NRXN3: variants seen among roughly 807,000 people sequenced by gnomAD.
The protein encoded by NRXN3 is neurexin 3.
A neutral mutation model predicts 137.6 loss-of-function variants in NRXN3; 32 were observed. The ratio of observed to expected loss-of-function variants is 0.23; its 90% confidence interval spans 0.18 to 0.31. The LOEUF is 0.31. Ranked by LOEUF, NRXN3 falls within the 10% of genes least tolerant of loss-of-function variation. The pLI, the probability that NRXN3 is intolerant of heterozygous loss-of-function variation, is 1.00. For synonymous variants in NRXN3, 798 were observed against 784.5 expected, an observed-to-expected ratio of 1.02 and a Z score of -0.29; for missense variants, 1,574 against 2,062.5, an observed-to-expected ratio of 0.76 and a Z score of 4.59.
intron 20 of NRXN3, among the ~76,000 whole-genome samples, chr14:79,851,963 T>G (rs576194558): frequency 1.1e-3 from 158 of 146,928 alleles, no homozygotes; most frequent in African/African-American, 3.7e-3. Flanking sequence ...TGGAGAGGGG[T>G]TTTGCCATTC....
intron 4 of NRXN3, among the ~76,000 whole-genome samples, chr14:78,540,505 T>G (rs1455929492): frequency 1.3e-5 from 2 of 151,126 alleles, no homozygotes; most frequent in Non-Finnish European, 3.0e-5. Flanking sequence ...TGAGCCTATA[T>G]GCATCTTTGC....
intron 4 of NRXN3, among the ~76,000 whole-genome samples, chr14:78,634,348 A>G (rs1049962468): frequency 1.3e-5 from 2 of 152,206 alleles, no homozygotes; most frequent in Non-Finnish European, 2.9e-5. Flanking sequence ...CTTCATTTCA[A>G]TTCAATTCCA....
At chr14:78,563,376 A>T (rs2096805379) in intron 4 of NRXN3, among the ~76,000 whole-genome samples, 1 of 152,170 alleles carries the variant, frequency 6.6e-6, no homozygotes, top group African/African-American at 2.4e-5. Context: ...ATGATAACGG[A>T]AATAGGTTTG....
intron 14 of NRXN3, among the ~76,000 whole-genome samples, chr14:78,978,012 C>A (rs1438761501): frequency 2.6e-5 from 4 of 152,120 alleles, no homozygotes; most frequent in African/African-American, 9.7e-5. Flanking sequence ...AATTCCCATC[C>A]ATGGCCATAA....
chr14:78,616,888 G>A (rs2097352227), intron 4 of NRXN3, among the ~76,000 whole-genome samples: 2 of 152,152 alleles, frequency 1.3e-5, no homozygotes, highest in South Asian at 4.1e-4. Flanking sequence ...AAGAATGAAT[G>A]CCATCGTTAC....
At chr14:79,615,805 G>T (rs78727507) in intron 16 of NRXN3, among the ~76,000 whole-genome samples, 4 of 152,102 alleles carry the variant, frequency 2.6e-5, no homozygotes, top group Non-Finnish European at 4.4e-5. Context: ...CCTACAATAC[G>T]TGGGGATTAT....
intron 10 of NRXN3, among the ~76,000 whole-genome samples, chr14:78,885,653 T>C (rs1290957090): frequency 1.3e-5 from 2 of 152,062 alleles, no homozygotes; most frequent in Non-Finnish European, 2.9e-5. Context: ...TATGCTGACT[T>C]TGTAAAATTG....
intron 4 of NRXN3, chr14:78,300,614 T>TC (rs2076782299): frequency 8.0e-7 from 1 of 1,252,906 alleles, no homozygotes; most frequent in African/African-American, 1.5e-5. Flanking sequence ...TCTCTCTGTC[T>TC]CTCTCTGGCC....
chr14:78,350,430 A>C (rs214029), intron 4 of NRXN3, among the ~76,000 whole-genome samples: 144,559 of 152,018 alleles, frequency 0.95, 68,768 homozygotes, highest in Admixed American at 0.98. Context: ...AGGGCACCCC[A>C]ACAAAAGCAT....
Position 79,604,826 on chromosome 14 carries a change from G to A in NRXN3, c.3445-58952G>A, listed in dbSNP as rs375797329. 4.8e-3 allele frequency among the ~76,000 whole-genome samples: 731 copies of A among 152,094 alleles called. 3 individuals are homozygous for A. Among genetic ancestry groups the A allele is most frequent in the Middle Eastern group, 0.01 (3 of 294 alleles). On this transcript the variant is annotated intron_variant, in intron 16 of 20. Coordinates refer to ENST00000335750, the MANE Select transcript of NRXN3 (RefSeq NM_001330195.2). ...GCGGGCGGATCACTTGAGGTCAGGAGTTTGAGACCAGCCTGGCCAACATGG... is the reference window on the plus strand; with the variant it reads ...GCGGGCGGATCACTTGAGGTCAGGAATTTGAGACCAGCCTGGCCAACATGG...
At chr14:79,106,346 A>G (rs2052433687) in intron 15 of NRXN3, among the ~76,000 whole-genome samples, 3 of 152,162 alleles carry the variant, frequency 2.0e-5, no homozygotes, top group South Asian at 4.1e-4. Context: ...TATCTTGATA[A>G]TATTTCTTTC....
intron 19 of NRXN3, among the ~76,000 whole-genome samples, chr14:79,764,477 C>T (rs553578478): frequency 1.3e-5 from 2 of 152,218 alleles, no homozygotes; most frequent in African/African-American, 4.8e-5. Context: ...ATGAGGGAGC[C>T]GTTACATTGT....
chr14:78,613,932 C>T (rs2097323854), intron 4 of NRXN3, among the ~76,000 whole-genome samples: 2 of 152,158 alleles, frequency 1.3e-5, no homozygotes, highest in African/African-American at 4.8e-5. Context: ...CAGGCACCAA[C>T]CTCTCTTACA....
chr14:78,865,175 T>G (rs1037120284), intron 10 of NRXN3, among the ~76,000 whole-genome samples: 3 of 152,154 alleles, frequency 2.0e-5, no homozygotes, highest in Non-Finnish European at 4.4e-5. Context: ...ACAAGGAAGG[T>G]AGTGCTTATC....
chr14:78,907,506 A>G (rs994158382), intron 10 of NRXN3, among the ~76,000 whole-genome samples: 1 of 152,036 alleles, frequency 6.6e-6, no homozygotes, highest in African/African-American at 2.4e-5. Context: ...TCCAACTTGT[A>G]TGCATGTTTC....
At chr14:79,256,206 C>CA (rs1197567638) in intron 15 of NRXN3, among the ~76,000 whole-genome samples, 2 of 151,712 alleles carry the variant, frequency 1.3e-5, no homozygotes, top group Non-Finnish European at 2.9e-5. Flanking sequence ...CACACACACA[C>CA]CCCCCAGAAG....
intron 10 of NRXN3, among the ~76,000 whole-genome samples, chr14:78,913,550 TTA>T (rs1249791271): frequency 6.6e-6 from 1 of 152,060 alleles, no homozygotes. Context: ...AGTGCTGGGA[TTA>T]TAGATGTGAG....
At position 79,263,812 on chromosome 14, in the gene NRXN3, A is replaced by G. The variant is rs182623328; in HGVS notation, c.3263-203409A>G. ...TCTTATCCTACCATAGATATTATGT[A>G]CTACACAACTCCGGGGGCACAATTC... On this transcript the variant is annotated intron_variant, in intron 15 of 20. Transcript: ENST00000335750. Among the ~76,000 whole-genome samples the G allele has an allele frequency of 8.6e-5, 13 of 151,620 alleles. No individual in the cohort carries two copies. The East Asian group carries it at 2.3e-3, about 27-fold the overall frequency.
At chr14:78,549,312 C>G (rs981127802) in intron 4 of NRXN3, among the ~76,000 whole-genome samples, 1 of 152,138 alleles carries the variant, frequency 6.6e-6, no homozygotes, top group East Asian at 1.9e-4. Context: ...CACCTTTATG[C>G]CTTTGCTGTT....
Sources: allele counts gnomAD v4.1 joint callset (sites outside exome capture counted in the v4.1 genomes callset), GRCh38; gene constraint gnomAD v4.1.1; transcripts MANE v1.5; gene names NCBI Gene and HGNC (gene_info 2026-07-23, HGNC 2026-07-21).